The following SOS1 variants were observed in gnomAD, a reference collection of about 807,000 sequenced individuals.
The protein encoded by SOS1 is SOS Ras/Rac guanine nucleotide exchange factor 1.
In SOS1, 25 loss-of-function variants were observed where a neutral mutation model predicts 157.6. The observed-to-expected ratio is 0.16, with a 90% CI of 0.12 to 0.22. The LOEUF is 0.22. SOS1 is among the 10% of genes least tolerant of loss of function. The pLI is 1.00. For missense variants in SOS1, 1,237 were observed against 1,599.1 expected (o/e 0.77, Z 3.86); for synonymous variants, 528 against 534.0 (o/e 0.99, Z 0.16).
intron 2 of SOS1, among the ~76,000 whole-genome samples, chr2:39,066,755 A>G (rs1233341165): frequency 6.6e-6 from 1 of 152,170 alleles, no homozygotes; most frequent in Non-Finnish European, 1.5e-5. Context: ...CTCTCTCTCA[A>G]TTGGTGGGAA....
In SOS1 at chr2:39,047,019, T is replaced by G. The variant is rs542574972; in HGVS notation, c.864+4125A>C. 5.3e-5 allele frequency among the ~76,000 whole-genome samples: 8 copies of G among 152,328 alleles called. No homozygotes were observed. In the South Asian group the frequency reaches 1.7e-3, roughly 32 times the overall value. ...ATAACTTTACATAAAGTCTGCAATT[T>G]GATGACTTTTAACATATGTATACAA... On this transcript the variant is annotated intron_variant, in intron 6 of 22. Coordinates refer to ENST00000402219, the MANE Select transcript of SOS1 (RefSeq NM_005633.4).
intron 20 of SOS1, chr2:38,992,663 A>G (rs947410553): frequency 2.8e-4 from 43 of 152,346 alleles, no homozygotes; most frequent in African/African-American, 1.0e-3. Context: ...GAGAAGTAGA[A>G]TTTGCAACTG....
intron 1 of SOS1, among the ~76,000 whole-genome samples, chr2:39,086,873 C>A (rs986166367): frequency 6.6e-6 from 1 of 152,068 alleles, no homozygotes; most frequent in Non-Finnish European, 1.5e-5. Context: ...AGTGCAGTGG[C>A]ATGATCTTGG....
chr2:39,054,292 T>C (rs1671131090), intron 5 of SOS1, among the ~76,000 whole-genome samples: 1 of 152,204 alleles, frequency 6.6e-6, no homozygotes, highest in African/African-American at 2.4e-5. Flanking sequence ...ACAGTTGGCA[T>C]TGATGAAGTG....
upstream of SOS1, among the ~76,000 whole-genome samples, chr2:39,121,364 CT>C (rs1673889770): frequency 6.6e-6 from 1 of 152,158 alleles, no homozygotes; most frequent in East Asian, 1.9e-4. Flanking sequence ...TACTTTGTTC[CT>C]GAACACGAAG....
At position 39,054,849 on chromosome 2, in the gene SOS1, TATA is replaced by T. The variant is rs752549199; in HGVS notation, c.511-29_511-27del. Reference sequence around the variant, plus strand: ...CTATACAGTCAGAGATATAAAAAAGTATAATAAAATATGAAGCTTTCGTAGAAT... The same window carrying T: ...CTATACAGTCAGAGATATAAAAAAGTATAAAATATGAAGCTTTCGTAGAAT... On this transcript the variant is annotated intron_variant, in intron 4 of 22. Coordinates refer to ENST00000402219, the MANE Select transcript of SOS1 (RefSeq NM_005633.4). 2.7e-6 allele frequency: 3 copies of T among 1,101,386 alleles called. No homozygotes were observed. The Admixed American group carries it at 5.2e-5, about 19-fold the overall frequency. 68.2% of individuals were successfully genotyped at this position (1,101,386 alleles called of 1,614,324 possible).
chr2:39,100,571 A>T (rs2148204251), intron 1 of SOS1, among the ~76,000 whole-genome samples: 1 of 152,344 alleles, frequency 6.6e-6, no homozygotes, highest in South Asian at 2.1e-4. Context: ...GAAAGAAAAT[A>T]CTGATGACAT....
intron 15 of SOS1, among the ~76,000 whole-genome samples, chr2:39,008,420 C>T (rs892343780): frequency 1.3e-5 from 2 of 152,168 alleles, no homozygotes; most frequent in Admixed American, 1.3e-4. Context: ...ACAGATAGCT[C>T]CTAATTTCTT....
chr2:39,029,958 G>A (rs905804872), intron 8 of SOS1, among the ~76,000 whole-genome samples: 2 of 152,060 alleles, frequency 1.3e-5, no homozygotes, highest in African/African-American at 4.8e-5. Context: ...CTTGAGCCCA[G>A]AAGTTTGAGA....
At chr2:38,993,806 A>C (rs1668807731) in intron 20 of SOS1, 1 of 152,154 alleles carries the variant, frequency 6.6e-6, no homozygotes, top group African/African-American at 2.4e-5. Context: ...CTAGTATGTC[A>C]AATTAGGGGG....
intron 6 of SOS1, among the ~76,000 whole-genome samples, chr2:39,038,773 T>G (rs1670450912): frequency 8.2e-6 from 1 of 121,648 alleles, no homozygotes. Flanking sequence ...TGGAACCTAC[T>G]CCTGGTGAAA....
At chr2:39,113,331 C>T (rs1163788480) in intron 1 of SOS1, among the ~76,000 whole-genome samples, 1 of 151,522 alleles carries the variant, frequency 6.6e-6, no homozygotes, top group African/African-American at 2.4e-5. Flanking sequence ...GCTGAGACTA[C>T]AGGCATGTAC....
intron 20 of SOS1, among the ~76,000 whole-genome samples, chr2:38,994,617 G>A (rs1318843519): frequency 6.6e-6 from 1 of 152,304 alleles, no homozygotes; most frequent in Non-Finnish European, 1.5e-5. Context: ...TACTGGTTTA[G>A]CATCCCTAAC....
chr2:39,013,920 C>T lies in SOS1; in HGVS notation c.2010G>A (p.Leu670=). ...TTCTAAATCTTTTCAGTTCTGCACT[C>T]AAGGGTTGATCTCCATTCTCTATAG... ...RIAIENGDQP[L]SAELKRFRKE... Residue 670 remains leucine, a synonymous_variant, in exon 12 of 23, where the codon TTG becomes TTA. Transcript: ENST00000402219. 6.2e-7 allele frequency: 1 copy of T among 1,607,942 alleles called. No homozygotes were observed. Among genetic ancestry groups the T allele is most frequent in the Non-Finnish European group, 8.5e-7 (1 of 1,174,862 alleles).
At chr2:39,054,019 C>T (rs1671117444) in intron 5 of SOS1, among the ~76,000 whole-genome samples, 1 of 152,076 alleles carries the variant, frequency 6.6e-6, no homozygotes, top group South Asian at 2.1e-4. Flanking sequence ...GCTCCGCCTC[C>T]CAGGTTCACG....
chr2:39,117,739 A>G (rs1311476261), intron 1 of SOS1, among the ~76,000 whole-genome samples: 1 of 152,202 alleles, frequency 6.6e-6, no homozygotes, highest in Non-Finnish European at 1.5e-5. Flanking sequence ...AGTCTGACAA[A>G]GGAGACTCAA....
At chr2:39,031,318 T>G (rs555638849) in intron 8 of SOS1, among the ~76,000 whole-genome samples, 2 of 152,344 alleles carry the variant, frequency 1.3e-5, no homozygotes, top group East Asian at 3.9e-4. Flanking sequence ...TGGATGGTTT[T>G]TTCTAAGGTT....
chr2:39,105,125 G>A (rs796829348), intron 1 of SOS1, among the ~76,000 whole-genome samples: 38 of 152,222 alleles, frequency 2.5e-4, no homozygotes, highest in African/African-American at 8.2e-4. Flanking sequence ...ATCAGTAAGT[G>A]CATTCCATTA....
chr2:39,008,853 G>A (rs911959878), intron 15 of SOS1, among the ~76,000 whole-genome samples: 7 of 151,088 alleles, frequency 4.6e-5, no homozygotes, highest in Non-Finnish European at 8.8e-5. Flanking sequence ...GGGGAAGGAG[G>A]AGCAGTACTC....
Sources: allele counts gnomAD v4.1 joint callset (sites outside exome capture counted in the v4.1 genomes callset), GRCh38; gene constraint gnomAD v4.1.1; transcripts MANE v1.5; gene names NCBI Gene and HGNC (gene_info 2026-07-23, HGNC 2026-07-21).